TIAM1: variants seen among roughly 807,000 people sequenced by gnomAD.
TIAM1 encodes the protein TIAM Rac1 associated GEF 1, also known as rho guanine nucleotide exchange factor TIAM1.
TIAM1 carries 65 observed loss-of-function variants against 163.5 expected under a neutral mutation model. The ratio of observed to expected loss-of-function variants is 0.40; its 90% confidence interval spans 0.33 to 0.49. The LOEUF is 0.49. TIAM1 is among the 20% of genes least tolerant of loss of function. The probability of loss-of-function intolerance (pLI) is 0.77; values close to 1 mark genes in which losing one functional copy is unlikely to be tolerated. For missense variants in TIAM1, 1,789 were observed against 2,044.7 expected (o/e 0.87, Z 2.41); for synonymous variants, 833 against 810.1 (o/e 1.03, Z -0.48).
At chr21:31,160,955 C>G (rs1296628139) in intron 16 of TIAM1, 2 of 155,642 alleles carry the variant, frequency 1.3e-5, no homozygotes, top group African/African-American at 4.8e-5. Flanking sequence ...TCCTGCACTG[C>G]TCAGGAATAT....
chr21:31,450,142 G>A (rs954436737), intron 2 of TIAM1, among the ~76,000 whole-genome samples: 2 of 152,120 alleles, frequency 1.3e-5, no homozygotes, highest in Non-Finnish European at 1.5e-5. Flanking sequence ...GCCTGTTATC[G>A]GACAAAGGCA....
At chr21:31,454,143 T>C (rs2044994933) in intron 2 of TIAM1, among the ~76,000 whole-genome samples, 1 of 152,350 alleles carries the variant, frequency 6.6e-6, no homozygotes, top group Non-Finnish European at 1.5e-5. Context: ...ATTTGTTATG[T>C]TGATTGTTTT....
chr21:31,322,448 T>G (rs1400729147), intron 2 of TIAM1, among the ~76,000 whole-genome samples: 16 of 136,602 alleles, frequency 1.2e-4, no homozygotes, highest in Admixed American at 2.2e-4. Context: ...CCTCTATGGG[T>G]GGGGGGGGGT....
intron 2 of TIAM1, among the ~76,000 whole-genome samples, chr21:31,329,399 C>T (rs1379116953): frequency 6.6e-6 from 1 of 152,196 alleles, no homozygotes; most frequent in Non-Finnish European, 1.5e-5. Flanking sequence ...TGCTAAGGTG[C>T]CTGTGCACAC....
intron 2 of TIAM1, among the ~76,000 whole-genome samples, chr21:31,414,872 C>T (rs2043319815): frequency 6.6e-6 from 1 of 152,218 alleles, no homozygotes; most frequent in Non-Finnish European, 1.5e-5. Flanking sequence ...GGCGGACACA[C>T]ACCGCCCACA....
intron 1 of TIAM1, among the ~76,000 whole-genome samples, chr21:31,340,304 A>G (rs148561007): frequency 4.5e-4 from 69 of 152,122 alleles, no homozygotes; most frequent in African/African-American, 1.6e-3. Context: ...GGCAAACTCA[A>G]TAACGCTACA....
intron 2 of TIAM1, among the ~76,000 whole-genome samples, chr21:31,307,997 C>A (rs2074782123): frequency 6.6e-6 from 1 of 152,146 alleles, no homozygotes; most frequent in Non-Finnish European, 1.5e-5. Context: ...TTTTGGGAGG[C>A]CAAGGCAGGC....
intron 1 of TIAM1, among the ~76,000 whole-genome samples, chr21:31,537,891 C>T (rs2048190831): frequency 6.6e-6 from 1 of 152,176 alleles, no homozygotes; most frequent in Admixed American, 6.5e-5. Context: ...CATGTAAAGG[C>T]ATTATTTATC....
At chr21:31,457,289 AC>A (rs1385736555) in intron 2 of TIAM1, among the ~76,000 whole-genome samples, 1 of 152,190 alleles carries the variant, frequency 6.6e-6, no homozygotes, top group Non-Finnish European at 1.5e-5. Flanking sequence ...TCATTGCTCT[AC>A]CATTAGCCAA....
chr21:31,337,518 G>GTTGTTATTATTA (rs139117633), intron 2 of TIAM1, among the ~76,000 whole-genome samples: 101 of 147,268 alleles, frequency 6.9e-4, no homozygotes, highest in African/African-American at 1.4e-3. Flanking sequence ...TATTATTGTT[G>GTTGTTATTATTA]TTATTATTAT....
Position 31,496,828 on chromosome 21 carries a change from T to G in TIAM1, c.-421-32793A>C, listed in dbSNP as rs79043951. On this transcript the variant is annotated intron_variant, in intron 1 of 28. Coordinates refer to the TIAM1 transcript ENST00000286827. The stretch of plus-strand genomic sequence containing the variant: ...TCTGTATTTTTGCTGTATCTTTCCT[T>G]TGTTTAGATGCACAATTTTTCCATG... Among the ~76,000 whole-genome samples the G allele has an allele frequency of 3.2e-4, 49 of 152,208 alleles. 1 individual carries two copies. In the East Asian group the frequency reaches 9.5e-3, roughly 29 times the overall value.
intron 2 of TIAM1, among the ~76,000 whole-genome samples, chr21:31,461,019 G>GA (rs2045305493): frequency 1.3e-5 from 2 of 152,010 alleles, no homozygotes; most frequent in African/African-American, 4.8e-5. Context: ...CATTTAGGGG[G>GA]AAAAAATACA....
chr21:31,194,116 G>C (rs936803736), intron 13 of TIAM1, among the ~76,000 whole-genome samples: 2 of 148,748 alleles, frequency 1.3e-5, no homozygotes, highest in African/African-American at 2.5e-5. Context: ...GCAGGAGAGA[G>C]AGCTATTCTC....
At chr21:31,142,529 G>T (rs2082895545) in intron 20 of TIAM1, among the ~76,000 whole-genome samples, 1 of 149,244 alleles carries the variant, frequency 6.7e-6, no homozygotes, top group East Asian at 2.0e-4. Context: ...TACTCAGGAG[G>T]TGGAGGCAGG....
chr21:31,154,907 T>C lies in TIAM1; in HGVS notation c.2992-481A>G, dbSNP rs1475975209. 3.3e-5 allele frequency among the ~76,000 whole-genome samples: 5 copies of C among 152,234 alleles called. No individual in the cohort carries two copies. The East Asian group carries it at 5.8e-4, about 18-fold the overall frequency. On this transcript the variant is annotated intron_variant, in intron 16 of 27. Transcript: ENST00000541036. ...CAGACTCCCAGTTCAGTAAACTATC[T>C]ACTTTGCAATGTTGCAAAGATGATT... is the stretch of plus-strand genomic sequence containing the variant.
At chr21:31,429,599 A>T (rs1602257517) in intron 2 of TIAM1, among the ~76,000 whole-genome samples, 1 of 152,034 alleles carries the variant, frequency 6.6e-6, no homozygotes. Context: ...AGTGGCAGCC[A>T]TGGGGGAGTT....
At chr21:31,459,557 TTTAA>T (rs2045245855) in intron 2 of TIAM1, among the ~76,000 whole-genome samples, 1 of 152,078 alleles carries the variant, frequency 6.6e-6, no homozygotes, top group Non-Finnish European at 1.5e-5. Context: ...GCCCCAGATG[TTTAA>T]TTATTAGTGG....
chr21:31,389,738 A>G (rs2076938379), intron 2 of TIAM1, among the ~76,000 whole-genome samples: 1 of 152,224 alleles, frequency 6.6e-6, no homozygotes, highest in Admixed American at 6.5e-5. Context: ...AAAGATTTTA[A>G]CCAATATTTG....
At chr21:31,153,778 G>C (rs574036781) in intron 17 of TIAM1, among the ~76,000 whole-genome samples, 2 of 152,070 alleles carry the variant, frequency 1.3e-5, no homozygotes, top group African/African-American at 4.8e-5. Context: ...TCACAAGAAG[G>C]CTGGGCGTGG....
Sources: allele counts gnomAD v4.1 joint callset (sites outside exome capture counted in the v4.1 genomes callset), GRCh38; gene constraint gnomAD v4.1.1; transcripts MANE v1.5; gene names NCBI Gene and HGNC (gene_info 2026-07-23, HGNC 2026-07-21).